Variants in NAA16 observed in about 807,000 individuals in gnomAD.
NAA16 encodes the protein NARG1-like protein.
Under a neutral mutation model 110.3 loss-of-function variants are expected in NAA16, and 97 were observed. That is an observed-to-expected ratio of 0.88 (90% CI 0.75 to 1.04). The LOEUF (loss-of-function observed/expected upper bound fraction) is 1.04, where lower values mean the gene tolerates loss of function less well. Ranked by LOEUF, NAA16 falls within the 50% of genes least tolerant of loss-of-function variation. The pLI is 0.00. For synonymous variants in NAA16, 372 were observed against 330.6 expected (o/e 1.13, Z -1.36); for missense variants, 1,017 against 1,005.1 (o/e 1.01, Z -0.16).
chr13:41,316,781 C>A, intron 1 of NAA16, 65 bp from the exon 2 acceptor site: 1 of 1,013,704 alleles, frequency 9.9e-7, no homozygotes, highest in Non-Finnish European at 1.6e-6. Context: ...ATATATGATG[C>A]TGTGAGAAGT....
chr13:41,371,978 AATG>A lies in NAA16; in HGVS notation c.1948-222_1948-220del, dbSNP rs1288433240. ...TTATGTATTTTTTTGTTTTTAATAA[AATG>A]ATCTTGATTTTGTAACCAGAAAAAA... On this transcript the variant is annotated intron_variant, in intron 15 of 19. Transcript: ENST00000379406. Among the ~76,000 whole-genome samples the A allele has an allele frequency of 1.1e-4, 16 of 152,284 alleles. No homozygotes were observed. The East Asian group carries it at 2.7e-3, about 26-fold the overall frequency.
chr13:41,345,501 G>A (rs1212111443), intron 9 of NAA16, among the ~76,000 whole-genome samples: 1 of 152,008 alleles, frequency 6.6e-6, no homozygotes, highest in East Asian at 1.9e-4. Context: ...AATTTTCTTT[G>A]CCCATTTTTA....
chr13:41,367,617 T>C lies in NAA16; in HGVS notation c.1718T>C (p.Leu573Ser), dbSNP rs964675970. 1 of 1,611,004 alleles carries C rather than the reference T, an allele frequency of 6.2e-7. No homozygotes were observed. The highest frequency in any genetic ancestry group is 8.5e-7 in the Non-Finnish European group (1 of 1,178,650). The stretch of plus-strand genomic sequence containing the variant: ...TACTTGAAATTGTATGATAATCCCT[T>C]AACCAATGAAAGCAAACAACAAGAA... ...EIYLKLYDNP[L>S]TNESKQQEIN... is the part of the protein sequence containing the mutation. Residue 573 changes from leucine (L) to serine (S), a missense_variant, in exon 14 of 20, where the codon TTA (leucine) becomes TCA (serine). By Grantham distance (145) the Leu-to-Ser change is moderately radical. Coordinates refer to ENST00000379406, the MANE Select transcript of NAA16 (RefSeq NM_024561.5).
chr13:41,340,128 T>C (rs2042496460), intron 9 of NAA16, among the ~76,000 whole-genome samples: 1 of 152,220 alleles, frequency 6.6e-6, no homozygotes, highest in Non-Finnish European at 1.5e-5. Context: ...TGTTTCTTAT[T>C]ATCCATTATA....
At position 41,375,752 on chromosome 13, in the gene NAA16, C is replaced by T. The variant is rs367677149; in HGVS notation, c.*150C>T. ...CTGTAAGCTTATTTTGTTCTTTACCCGACCTGCCAATTTACATAACCATCT... is the reference window on the plus strand; with the variant it reads ...CTGTAAGCTTATTTTGTTCTTTACCTGACCTGCCAATTTACATAACCATCT... On this transcript the variant is annotated 3_prime_UTR_variant, in exon 20 of 20. Transcript: ENST00000379406. The T allele has an allele frequency of 2.3e-5, 13 of 563,730 alleles. No individual in the cohort carries two copies. Among genetic ancestry groups the T allele is most frequent in the African/African-American group, 5.7e-5 (3 of 52,790 alleles). 34.9% of individuals were successfully genotyped at this position (563,730 alleles called of 1,614,324 possible). A position where few individuals can be genotyped will look rare whatever the true frequency, so the allele number is the denominator to read the frequency against.
chr13:41,370,534 A>G (rs2043295649), intron 15 of NAA16, among the ~76,000 whole-genome samples: 1 of 152,226 alleles, frequency 6.6e-6, no homozygotes, highest in Admixed American at 6.5e-5. Flanking sequence ...GAAGGGAAAA[A>G]ATAACAGCTG....
At chr13:41,328,700 A>G (rs767822566) in intron 6 of NAA16, 24 bp from the exon 7 acceptor site, 26 of 1,574,274 alleles carry the variant, frequency 1.7e-5, no homozygotes, top group Non-Finnish European at 2.1e-5. Flanking sequence ...TTTAAAATGA[A>G]TATGTCTTTA....
intron 1 of NAA16, among the ~76,000 whole-genome samples, chr13:41,314,943 G>C (rs1430294645): frequency 1.3e-5 from 2 of 152,184 alleles, no homozygotes; most frequent in Admixed American, 1.3e-4. Context: ...TGAGGTTATG[G>C]TGATTGTGTC....
Position 41,318,881 on chromosome 13 carries a change from G to A in NAA16, c.215G>A (p.Gly72Glu). 1.9e-6 allele frequency: 3 copies of A among 1,601,918 alleles called. No individual in the cohort carries two copies. Among genetic ancestry groups the A allele is most frequent in the Non-Finnish European group, 2.6e-6 (3 of 1,173,684 alleles). The change falls in exon 3 of 20, where the codon GGA becomes GAA. Residue 72 changes from glycine (G) to glutamate (E), a missense_variant. Physicochemically the swap from Gly to Glu is moderately conservative, Grantham distance 98. Coordinates refer to ENST00000379406, the MANE Select transcript of NAA16 (RefSeq NM_024561.5). ...GAAGCTTATGAGTTTGTTCGTAAAG[G>A]ACTTCGTAATGATGTCAAGAGTCAT... is the stretch of plus-strand genomic sequence containing the variant. ...KEEAYEFVRKGLRNDVKSHVC... is the reference protein window; with the variant it reads ...KEEAYEFVRKELRNDVKSHVC...
At position 41,339,596 on chromosome 13, in the gene NAA16, C is replaced by T. The variant is rs898809603; in HGVS notation, c.1014+2840C>T. On this transcript the variant is annotated intron_variant, in intron 9 of 19. Coordinates refer to ENST00000379406, the MANE Select transcript of NAA16 (RefSeq NM_024561.5). Reference sequence around the variant, plus strand: ...TTTTTGAGATGGAGTCCCACTCTGTCGCCCAGGCTAGAGTGCAGTGGTGCA... The same window carrying T: ...TTTTTGAGATGGAGTCCCACTCTGTTGCCCAGGCTAGAGTGCAGTGGTGCA... Among the ~76,000 whole-genome samples, 8 of 151,940 alleles carry T rather than the reference C, an allele frequency of 5.3e-5. 1 individual carries two copies. Among genetic ancestry groups the T allele is most frequent in the Admixed American group, 3.3e-4 (5 of 15,252 alleles).
chr13:41,311,626 C>G, intron 1 of NAA16, 44 bp downstream of exon 1: 1 of 1,572,178 alleles, frequency 6.4e-7, no homozygotes, highest in Non-Finnish European at 8.6e-7. Context: ...GTCCCCGGGT[C>G]CTCGGGCCTT....
intron 7 of NAA16, among the ~76,000 whole-genome samples, chr13:41,329,088 TAAAAC>T (rs954325830): frequency 2.6e-5 from 4 of 151,778 alleles, no homozygotes; most frequent in African/African-American, 7.2e-5. Context: ...GAGGCAAAAA[TAAAAC>T]AAAGCCAAAC....
chr13:41,318,542 T>C (rs2041866656), intron 2 of NAA16, among the ~76,000 whole-genome samples: 1 of 152,198 alleles, frequency 6.6e-6, no homozygotes, highest in East Asian at 1.9e-4. Context: ...TCAACCACTT[T>C]TACAGAGTCT....
intron 13 of NAA16, chr13:41,362,518 C>T (rs2043134089): frequency 8.0e-6 from 3 of 376,608 alleles, no homozygotes; most frequent in Non-Finnish European, 1.5e-5. Context: ...CCCTTTAAAA[C>T]ATCAGGATCT....
chr13:41,355,999 T>C (rs1211905570), intron 10 of NAA16, among the ~76,000 whole-genome samples: 1 of 152,170 alleles, frequency 6.6e-6, no homozygotes, highest in African/African-American at 2.4e-5. Context: ...GTCTCTTACA[T>C]GTCATTACTC....
At chr13:41,316,744 G>A (rs2041820846) in intron 1 of NAA16, 102 bp from the exon 2 acceptor site, 1 of 715,784 alleles carries the variant, frequency 1.4e-6, no homozygotes, top group Admixed American at 2.1e-5. Context: ...TCACATTTTA[G>A]ACCTAATTTT....
chr13:41,335,480 G>A (rs954188635), intron 8 of NAA16, among the ~76,000 whole-genome samples: 1 of 152,174 alleles, frequency 6.6e-6, no homozygotes, highest in East Asian at 1.9e-4. Context: ...TTGTATACCA[G>A]AGGAATTACT....
chr13:41,358,565 G>A, intron 11 of NAA16, 92 bp downstream of exon 11: 2 of 1,527,910 alleles, frequency 1.3e-6, no homozygotes, highest in Non-Finnish European at 1.8e-6. Flanking sequence ...AAGTTCTAGG[G>A]CACCCTGATA....
intron 5 of NAA16, among the ~76,000 whole-genome samples, chr13:41,324,957 G>GTTTTT (rs145690016): frequency 5.0e-5 from 6 of 119,430 alleles, no homozygotes; most frequent in East Asian, 5.2e-4. Context: ...TTTTAGTTTA[G>GTTTTT]TTTTTTTTTT....
Sources: allele counts gnomAD v4.1 joint callset (sites outside exome capture counted in the v4.1 genomes callset), GRCh38; gene constraint gnomAD v4.1.1; transcripts MANE v1.5; gene names NCBI Gene and HGNC (gene_info 2026-07-23, HGNC 2026-07-21).